Variants in FANK1 observed in about 807,000 individuals in gnomAD.
FANK1 encodes fibronectin type III and ankyrin repeat domains 1.
Under a neutral mutation model 45.3 loss-of-function variants are expected in FANK1, and 44 were observed. That is an observed-to-expected ratio of 0.97 (90% CI 0.76 to 1.25). FANK1 has a LOEUF of 1.25. Among genes scored for constraint, FANK1 ranks in the 50% most tolerant of loss-of-function variants. FANK1 has a pLI of 0.00. For synonymous variants in FANK1, 149 were observed against 152.5 expected (o/e 0.98, Z 0.17); for missense variants, 391 against 424.4 (o/e 0.92, Z 0.69).
intron 1 of FANK1, among the ~76,000 whole-genome samples, chr10:125,976,033 C>G (rs534233937): frequency 3.3e-5 from 5 of 152,276 alleles, no homozygotes; most frequent in African/African-American, 9.6e-5. Flanking sequence ...AATGAAGTTC[C>G]TCAACATTTG....
intron 1 of FANK1, among the ~76,000 whole-genome samples, chr10:125,947,975 C>G (rs1589988788): frequency 1.3e-5 from 2 of 150,518 alleles, no homozygotes. Context: ...CAAAGCCACT[C>G]AACTACCTGG....
At chr10:125,973,473 A>T in intron 1 of FANK1, 4 of 985,222 alleles carry the variant, frequency 4.1e-6, no homozygotes, top group African/African-American at 1.7e-5. Context: ...GCTGGGATTC[A>T]GTGAGATGAC....
At chr10:125,977,363 G>A (rs11528564) in intron 1 of FANK1, among the ~76,000 whole-genome samples, 60,821 of 152,042 alleles carry the variant, frequency 0.4, 12,329 homozygotes, top group South Asian at 0.46. Context: ...TTAATGAGGT[G>A]TTTTTGGTAT....
chr10:126,002,802 C>T (rs10901511), intron 6 of FANK1, among the ~76,000 whole-genome samples: 82,130 of 134,478 alleles, frequency 0.61, 25,236 homozygotes, highest in Non-Finnish European at 0.69. Flanking sequence ...CTGAACTATT[C>T]TGAAATTAGT....
At chr10:125,929,460 G>A (rs1589903613) in intron 1 of FANK1, among the ~76,000 whole-genome samples, 1 of 152,164 alleles carries the variant, frequency 6.6e-6, no homozygotes, top group East Asian at 1.9e-4. Flanking sequence ...AATCAAATAA[G>A]TGAAACTTCG....
chr10:125,914,893 G>A (rs112526108), intron 1 of FANK1, among the ~76,000 whole-genome samples: 1 of 152,124 alleles, frequency 6.6e-6, no homozygotes, highest in East Asian at 1.9e-4. Flanking sequence ...AGGTGCGGAG[G>A]GGATGAGGTA....
chr10:125,913,385 G>T (rs144147455), intron 1 of FANK1, among the ~76,000 whole-genome samples: 1 of 152,040 alleles, frequency 6.6e-6, no homozygotes, highest in African/African-American at 2.4e-5. Context: ...TTTAGCAGTC[G>T]GCCAAAAGGA....
intron 1 of FANK1, among the ~76,000 whole-genome samples, chr10:125,963,837 A>G (rs1044215382): frequency 1.3e-5 from 2 of 152,214 alleles, no homozygotes; most frequent in Non-Finnish European, 2.9e-5. Flanking sequence ...GCACATGTAT[A>G]TATATGTAAC....
At chr10:125,978,203 C>A (rs554399362) in intron 1 of FANK1, among the ~76,000 whole-genome samples, 17 of 152,144 alleles carry the variant, frequency 1.1e-4, no homozygotes, top group Non-Finnish European at 1.9e-4. Flanking sequence ...CCTCTGGGAG[C>A]TTCGTCCCAG....
intron 1 of FANK1, among the ~76,000 whole-genome samples, chr10:125,907,663 T>C (rs1454976994): frequency 2.6e-5 from 4 of 151,772 alleles, no homozygotes; most frequent in Middle Eastern, 6.8e-3. Context: ...GAGAGAGACA[T>C]ACATTAGGAT....
At chr10:125,989,260 A>G in intron 3 of FANK1, 1 of 1,547,152 alleles carries the variant, frequency 6.5e-7, no homozygotes. Context: ...AAGCATTTTA[A>G]AGATGCTATC....
chr10:125,969,488 T>C (rs1394837265), intron 1 of FANK1, among the ~76,000 whole-genome samples: 1 of 152,224 alleles, frequency 6.6e-6, no homozygotes. Flanking sequence ...GTATCTGTTT[T>C]ATAAAACTTG....
At chr10:125,992,128 G>C (rs1231962868) in intron 3 of FANK1, among the ~76,000 whole-genome samples, 2 of 152,168 alleles carry the variant, frequency 1.3e-5, no homozygotes, top group African/African-American at 4.8e-5. Flanking sequence ...GCATTCCCTT[G>C]GGCCAGGCCC....
At chr10:126,008,214 G>A (rs1011984591) in intron 7 of FANK1, among the ~76,000 whole-genome samples, 193 bp from the exon 8 acceptor site, 21 of 152,182 alleles carry the variant, frequency 1.4e-4, no homozygotes, top group Non-Finnish European at 2.6e-4. Context: ...TGTAGATGAA[G>A]AAGCCGGTGG....
intron 3 of FANK1, among the ~76,000 whole-genome samples, chr10:125,990,410 C>T (rs7914749): frequency 0.21 from 31,676 of 152,080 alleles, 4,124 homozygotes; most frequent in East Asian, 0.3. Context: ...AAAAGAAGAT[C>T]CTTGATGGAT....
intron 1 of FANK1, among the ~76,000 whole-genome samples, chr10:125,943,014 A>G (rs1948553606): frequency 1.3e-5 from 2 of 152,060 alleles, no homozygotes; most frequent in South Asian, 4.1e-4. Flanking sequence ...GGGTTTCACC[A>G]TATTGGCCAG....
intron 1 of FANK1, among the ~76,000 whole-genome samples, chr10:125,917,075 C>CT (rs1410225067): frequency 6.6e-6 from 1 of 152,240 alleles, no homozygotes; most frequent in East Asian, 1.9e-4. Flanking sequence ...GGAGGCCATT[C>CT]TTTTGGGCTG....
Position 125,980,416 on chromosome 10 carries a change from G to C in FANK1, c.191+78G>C, listed in dbSNP as rs528559277. 4.6e-4 allele frequency: 661 copies of C among 1,434,052 alleles called. 4 individuals are homozygous for C. The highest frequency in any genetic ancestry group is 4.6e-3 in the South Asian group (331 of 72,434). 88.8% of individuals were successfully genotyped at this position (1,434,052 alleles called of 1,614,324 possible). On this transcript the variant is annotated intron_variant, in intron 2 of 10. Coordinates refer to ENST00000368693, the MANE Select transcript of FANK1 (RefSeq NM_145235.5). ...GAATGATTTCTGTTGTCTCTAAAAA[G>C]CCACTGCTTGTTTCAAATTAAAGAA...
intron 1 of FANK1, among the ~76,000 whole-genome samples, chr10:125,906,515 CAAAAAAAAAAAA>C (rs34132526): frequency 0.22 from 10,076 of 46,546 alleles, 696 homozygotes; most frequent in South Asian, 0.46. Context: ...GACTCTGTCT[CAAAAAAAAAAAA>C]AAAAAAAAAA....
Sources: allele counts gnomAD v4.1 joint callset (sites outside exome capture counted in the v4.1 genomes callset), GRCh38; gene constraint gnomAD v4.1.1; transcripts MANE v1.5; gene names NCBI Gene and HGNC (gene_info 2026-07-23, HGNC 2026-07-21).